Variants in RPF2 observed in about 807,000 individuals in gnomAD.
RPF2 encodes the protein ribosome production factor 2 homolog.
RPF2 carries 21 observed loss-of-function variants against 38.9 expected under a neutral mutation model. The observed-to-expected ratio is 0.54, with a 90% confidence interval of 0.38 to 0.78. The LOEUF (loss-of-function observed/expected upper bound fraction) is 0.78, where lower values mean the gene tolerates loss of function less well. Among genes scored for constraint, RPF2 ranks in the 30% least tolerant of loss-of-function variants. RPF2 has a pLI of 0.00. For missense variants in RPF2, 314 were observed against 358.1 expected, an observed-to-expected ratio of 0.88 and a Z score of 0.99; for synonymous variants, 121 against 126.2, an observed-to-expected ratio of 0.96 and a Z score of 0.28.
chr6:110,997,850 T>C (rs1771743661), intron 5 of RPF2, among the ~76,000 whole-genome samples: 1 of 151,860 alleles, frequency 6.6e-6, no homozygotes, highest in Admixed American at 6.6e-5. Context: ...TATGTGTTGG[T>C]ATGCTTCAGG....
chr6:110,990,559 A>AC (rs34703789), intron 3 of RPF2, among the ~76,000 whole-genome samples: 896 of 77,208 alleles, frequency 0.012, 7 homozygotes, highest in Non-Finnish European at 0.015. Context: ...GCAATTGGGA[A>AC]CCCCCCCCCC....
At chr6:110,982,283 A>C (rs1248741380) in intron 1 of RPF2, 154 bp downstream of exon 1, 1 of 804,774 alleles carries the variant, frequency 1.2e-6, no homozygotes, top group Non-Finnish European at 2.1e-6. Context: ...CCTCAGCGCG[A>C]GCTGCTTGCC....
At chr6:110,982,541 AATAG>A in intron 1 of RPF2, 7 of 200,064 alleles carry the variant, frequency 3.5e-5, no homozygotes, top group South Asian at 1.7e-4. Context: ...TATTCTGTAA[AATAG>A]CGCTCACCAT....
intron 4 of RPF2, among the ~76,000 whole-genome samples, chr6:110,994,734 T>TATATATATATATATATATATATATATAC (rs1436106936): frequency 4.5e-5 from 6 of 134,138 alleles, no homozygotes; most frequent in African/African-American, 1.9e-4. Context: ...TGAGTATATA[T>TATATATATATATATATATATATATATAC]ACACACACAC....
At chr6:111,007,871 C>T (rs369889986) in intron 6 of RPF2, among the ~76,000 whole-genome samples, 167 bp from the exon 7 acceptor site, 4 of 151,954 alleles carry the variant, frequency 2.6e-5, no homozygotes, top group Non-Finnish European at 4.4e-5. Context: ...TGCTTGAACC[C>T]GGGAGGTGGA....
intron 1 of RPF2, 129 bp from the exon 2 acceptor site, chr6:110,984,877 T>G: frequency 2.3e-5 from 23 of 998,556 alleles, no homozygotes; most frequent in Non-Finnish European, 3.3e-5. Flanking sequence ...AAAAAGAAAG[T>G]GAGATTTTTT....
intron 6 of RPF2, among the ~76,000 whole-genome samples, chr6:111,003,177 C>T (rs1426232357): frequency 2.0e-5 from 3 of 148,268 alleles, no homozygotes; most frequent in Non-Finnish European, 4.5e-5. Context: ...TGTTTTGGTA[C>T]ACTTTCCCTT....
At chr6:110,984,626 G>A (rs1771492402) in intron 1 of RPF2, among the ~76,000 whole-genome samples, 1 of 152,096 alleles carries the variant, frequency 6.6e-6, no homozygotes, top group East Asian at 1.9e-4. Flanking sequence ...GATCACCTGA[G>A]GTCAGTAGTT....
At chr6:110,994,734 T>TATATATATACAC (rs1436106936) in intron 4 of RPF2, among the ~76,000 whole-genome samples, 1 of 134,138 alleles carries the variant, frequency 7.5e-6, no homozygotes, top group African/African-American at 3.2e-5. Flanking sequence ...TGAGTATATA[T>TATATATATACAC]ACACACACAC....
chr6:111,016,702 A>G (rs1256978270), intron 8 of RPF2, among the ~76,000 whole-genome samples: 1 of 65,306 alleles, frequency 1.5e-5, no homozygotes, highest in African/African-American at 7.4e-5. Context: ...TTTTTTTTTT[A>G]ATTGATCATT....
chr6:111,020,526 A>G (rs745970777), intron 8 of RPF2, among the ~76,000 whole-genome samples: 2 of 152,332 alleles, frequency 1.3e-5, no homozygotes, highest in Non-Finnish European at 2.9e-5. Flanking sequence ...AGATACAGAG[A>G]AAATAAAACA....
At chr6:110,998,900 A>G (rs1486334643) in intron 5 of RPF2, among the ~76,000 whole-genome samples, 2 of 151,218 alleles carry the variant, frequency 1.3e-5, no homozygotes, top group Non-Finnish European at 2.9e-5. Flanking sequence ...AGCCGAGATC[A>G]TGCTATTGCA....
At chr6:111,015,108 C>T (rs1772084212) in intron 7 of RPF2, among the ~76,000 whole-genome samples, 1 of 152,128 alleles carries the variant, frequency 6.6e-6, no homozygotes, top group African/African-American at 2.4e-5. Context: ...AATTTTATGT[C>T]CCTATTGTAA....
At chr6:111,012,989 A>G (rs764990737) in intron 7 of RPF2, among the ~76,000 whole-genome samples, 1 of 152,158 alleles carries the variant, frequency 6.6e-6, no homozygotes, top group Non-Finnish European at 1.5e-5. Flanking sequence ...TTTATACAGT[A>G]TTATTATACT....
intron 7 of RPF2, among the ~76,000 whole-genome samples, chr6:111,009,222 A>T (rs1001735137): frequency 1.3e-5 from 2 of 151,876 alleles, no homozygotes; most frequent in South Asian, 4.2e-4. Flanking sequence ...TGCCCAGCTT[A>T]TTTTTGTATT....
intron 3 of RPF2, among the ~76,000 whole-genome samples, chr6:110,989,790 T>G (rs181531223): frequency 5.3e-5 from 8 of 151,988 alleles, no homozygotes; most frequent in Admixed American, 4.6e-4. Context: ...GCCCAGCTCA[T>G]TTTTGTATTT....
At chr6:110,997,339 G>A in intron 5 of RPF2, 75 bp downstream of exon 5, 2 of 847,732 alleles carry the variant, frequency 2.4e-6, no homozygotes, top group South Asian at 1.4e-5. Flanking sequence ...ATACGGGTCT[G>A]CAGCAACTTG....
Position 111,025,521 on chromosome 6 carries a change from G to C in RPF2, c.860G>C (p.Arg287Pro). The C allele has an allele frequency of 6.2e-7, 1 of 1,613,342 alleles. No individual in the cohort carries two copies. Among genetic ancestry groups the C allele is most frequent in the South Asian group, 1.1e-5 (1 of 90,952 alleles). Residue 287 changes from arginine to proline, a missense_variant, in exon 10 of 10, where the codon CGA becomes CCA. Arg to Pro is a moderately radical substitution (Grantham distance 103). Transcript: ENST00000441448. ...QTRKMKGLKK[R>P]PAERITEDHE... is the part of the protein sequence containing the mutation. The stretch of plus-strand genomic sequence containing the variant: ...AGGAAAATGAAGGGGTTGAAGAAGC[G>C]ACCTGCAGAAAGGATAACAGAAGAC...
At chr6:111,005,168 T>C (rs1771887923) in intron 6 of RPF2, among the ~76,000 whole-genome samples, 1 of 152,172 alleles carries the variant, frequency 6.6e-6, no homozygotes, top group Non-Finnish European at 1.5e-5. Context: ...TATAGACCGT[T>C]AAGGTTCCGG....
Sources: gnomAD v4.1 joint callset for allele counts (sites outside exome capture counted in the v4.1 genomes callset) on GRCh38, gnomAD v4.1.1 for gene constraint, MANE v1.5 for transcripts, NCBI Gene and HGNC (gene_info 2026-07-23, HGNC 2026-07-21) for gene names.